The following GFRAL variants were observed in gnomAD, a reference collection of about 807,000 sequenced individuals.
GFRAL encodes GDNF family receptor alpha like, also known as GDNF family receptor alpha-like.
GFRAL carries 36 observed loss-of-function variants against 45.4 expected under a neutral mutation model. That is an observed-to-expected ratio of 0.79 (90% confidence interval 0.61 to 1.05). GFRAL has a LOEUF of 1.05. Among genes scored for constraint, GFRAL ranks in the 50% least tolerant of loss-of-function variants. The probability of loss-of-function intolerance (pLI) is 0.00; values close to 1 mark genes in which losing one functional copy is unlikely to be tolerated. For missense variants in GFRAL, 507 were observed against 467.5 expected (o/e 1.08, Z -0.78); for synonymous variants, 166 against 154.1 (o/e 1.08, Z -0.57).
intron 5 of GFRAL, among the ~76,000 whole-genome samples, chr6:55,352,480 C>A (rs769384550): frequency 2.0e-5 from 3 of 151,904 alleles, no homozygotes; most frequent in African/African-American, 4.8e-5. Context: ...TGCTTATGAG[C>A]GACAGCAAGA....
Position 55,357,616 on chromosome 6 carries a change from G to A in GFRAL, c.702-1272G>A, listed in dbSNP as rs931789820. ...CATTGGCTCGTTTTATTTTTAATCC[G>A]TTTAATCCATTCAGCCATACTATGT... On this transcript the variant is annotated intron_variant, in intron 5 of 8. Transcript: ENST00000340465. 3.3e-5 allele frequency among the ~76,000 whole-genome samples: 5 copies of A among 151,106 alleles called. No individual in the cohort carries two copies. The East Asian group carries it at 5.8e-4, about 18-fold the overall frequency.
chr6:55,359,196 T>C, intron 6 of GFRAL, 58 bp downstream of exon 6: 1 of 1,455,266 alleles, frequency 6.9e-7, no homozygotes, highest in Non-Finnish European at 9.4e-7. Flanking sequence ...CATCTATCTA[T>C]CTATCTATTT....
chr6:55,363,886 C>T (rs1384139713), intron 6 of GFRAL, among the ~76,000 whole-genome samples: 3 of 151,030 alleles, frequency 2.0e-5, no homozygotes, highest in Non-Finnish European at 4.4e-5. Context: ...TGAATAATGT[C>T]GCAATAAACA....
At chr6:55,399,078 T>C (rs1768862656) in intron 6 of GFRAL, 102 bp from the exon 7 acceptor site, 1 of 578,568 alleles carries the variant, frequency 1.7e-6, no homozygotes, top group Non-Finnish European at 3.0e-6. Flanking sequence ...AATAATGTAA[T>C]GGAAATAAAT....
chr6:55,350,311 T>C (rs1768099166), intron 4 of GFRAL, among the ~76,000 whole-genome samples, 166 bp downstream of exon 4: 1 of 152,136 alleles, frequency 6.6e-6, no homozygotes, highest in Non-Finnish European at 1.5e-5. Flanking sequence ...TTACTAATGA[T>C]GCATCAAAGC....
intron 6 of GFRAL, among the ~76,000 whole-genome samples, chr6:55,385,383 TGTC>T (rs1272417284): frequency 3.9e-5 from 6 of 152,082 alleles, no homozygotes; most frequent in African/African-American, 1.4e-4. Context: ...CTAGCTGACT[TGTC>T]TTTCGTTTGC....
intron 6 of GFRAL, among the ~76,000 whole-genome samples, chr6:55,368,826 G>A (rs565126786): frequency 6.6e-6 from 1 of 152,310 alleles, no homozygotes; most frequent in South Asian, 2.1e-4. Context: ...CGTGCTGGGG[G>A]AACCACTGCT....
In GFRAL at chr6:55,381,491, G is replaced by A. The variant is rs62419122; in HGVS notation, c.953-17689G>A. On this transcript the variant is annotated intron_variant, in intron 6 of 8. Coordinates refer to ENST00000340465, the MANE Select transcript of GFRAL (RefSeq NM_207410.2). Reference sequence around the variant, plus strand: ...CATCCTGCCTTACAACATTTCATCTGTCTACTCCCAGTGAAGGTCTGGGTT... The same window carrying A: ...CATCCTGCCTTACAACATTTCATCTATCTACTCCCAGTGAAGGTCTGGGTT... Among the ~76,000 whole-genome samples, 1,300 of 151,924 alleles carry A rather than the reference G, an allele frequency of 8.6e-3. 10 individuals are homozygous for A. The highest frequency in any genetic ancestry group is 0.02 in the Middle Eastern group (6 of 294).
chr6:55,359,609 T>C (rs9475259), intron 6 of GFRAL, among the ~76,000 whole-genome samples: 28,921 of 151,882 alleles, frequency 0.19, 3,170 homozygotes, highest in African/African-American at 0.3. Context: ...TCATCTGGTA[T>C]CTTTAGGCTC....
Position 55,342,825 on chromosome 6 carries a change from G to A in GFRAL, c.317-7267G>A, listed in dbSNP as rs536085556. ...CACATAGGCTCAAAATAAAAGGATG[G>A]AGGAAGATCTACCAAGCAAATGGAA... is the stretch of plus-strand genomic sequence containing the variant. On this transcript the variant is annotated intron_variant, in intron 3 of 8. Coordinates refer to ENST00000340465, the MANE Select transcript of GFRAL (RefSeq NM_207410.2). Among the ~76,000 whole-genome samples, 159 of 152,206 alleles carry A rather than the reference G, an allele frequency of 1.0e-3. 1 individual carries two copies. The highest frequency in any genetic ancestry group is 3.6e-3 in the African/African-American group (151 of 41,502).
chr6:55,395,997 T>C (rs114530526), intron 6 of GFRAL, among the ~76,000 whole-genome samples: 6,529 of 152,186 alleles, frequency 0.043, 201 homozygotes, highest in African/African-American at 0.073. Flanking sequence ...TATCTATAAA[T>C]AGAGCAGATG....
intron 6 of GFRAL, among the ~76,000 whole-genome samples, chr6:55,368,457 C>T (rs1238085251): frequency 6.6e-6 from 1 of 152,184 alleles, no homozygotes; most frequent in Non-Finnish European, 1.5e-5. Context: ...AAGTCATTCT[C>T]CGTCCAGCTT....
chr6:55,371,578 A>G (rs1447739176), intron 6 of GFRAL, among the ~76,000 whole-genome samples: 1 of 152,194 alleles, frequency 6.6e-6, no homozygotes, highest in Non-Finnish European at 1.5e-5. Context: ...CATTTGTCAC[A>G]AGTTTTTTGT....
intron 6 of GFRAL, among the ~76,000 whole-genome samples, chr6:55,392,591 G>T (rs1253951941): frequency 1.3e-5 from 2 of 152,276 alleles, no homozygotes; most frequent in African/African-American, 2.4e-5. Context: ...GATTGATGTT[G>T]CATCACATCG....
chr6:55,392,732 AG>A (rs985547768), intron 6 of GFRAL, among the ~76,000 whole-genome samples: 3 of 152,054 alleles, frequency 2.0e-5, no homozygotes, highest in South Asian at 2.1e-4. Flanking sequence ...TAGAGGGTGG[AG>A]GGTGGGAGGA....
Position 55,351,585 on chromosome 6 carries a change from T to C in GFRAL, c.701+2T>C, listed in dbSNP as rs759004513. 1 of 1,593,150 alleles carries C rather than the reference T, an allele frequency of 6.3e-7. No individual in the cohort carries two copies. The highest frequency in any genetic ancestry group is 2.3e-5 in the East Asian group (1 of 44,372). ...CTGCCAAAATGATGAATTATGCAGG[T>C]GGGTAAAAACACTCATACCTTACTT... is the stretch of plus-strand genomic sequence containing the variant. On this transcript the variant is annotated splice_donor_variant, in intron 5 of 8. Coordinates refer to ENST00000340465, the MANE Select transcript of GFRAL (RefSeq NM_207410.2). LOFTEE classifies it high-confidence loss of function.
intron 1 of GFRAL, among the ~76,000 whole-genome samples, chr6:55,329,589 C>G (rs1287900895): frequency 1.3e-5 from 2 of 152,056 alleles, no homozygotes; most frequent in Non-Finnish European, 2.9e-5. Context: ...GTGCTAGGAT[C>G]AAAAGAGTCC....
At chr6:55,401,029 T>G (rs963391538) in intron 8 of GFRAL, among the ~76,000 whole-genome samples, 1 of 152,202 alleles carries the variant, frequency 6.6e-6, no homozygotes, top group Non-Finnish European at 1.5e-5. Flanking sequence ...TATAGACTAC[T>G]CATAATTCCC....
intron 6 of GFRAL, among the ~76,000 whole-genome samples, chr6:55,397,221 A>G (rs1300569852): frequency 1.3e-5 from 2 of 151,850 alleles, no homozygotes; most frequent in African/African-American, 2.4e-5. Context: ...GACTAAAACT[A>G]TTTTAAAAAA....
Sources: gnomAD v4.1 joint callset for allele counts (sites outside exome capture counted in the v4.1 genomes callset) on GRCh38, gnomAD v4.1.1 for gene constraint, MANE v1.5 for transcripts, NCBI Gene and HGNC (gene_info 2026-07-23, HGNC 2026-07-21) for gene names.